Variants in ZBTB16 observed in about 807,000 individuals in gnomAD.
The protein encoded by ZBTB16 is zinc finger and BTB domain containing 16, also known as zinc finger and BTB domain-containing protein 16.
Under a neutral mutation model 56.8 loss-of-function variants are expected in ZBTB16, and 8 were observed. The ratio of observed to expected loss-of-function variants is 0.14; its 90% confidence interval spans 0.08 to 0.25. The LOEUF is 0.25. Ranked by LOEUF, ZBTB16 falls within the 10% of genes least tolerant of loss-of-function variation. The pLI is 1.00. For missense variants in ZBTB16, 625 were observed against 903.0 expected, an observed-to-expected ratio of 0.69 and a Z score of 3.95; for synonymous variants, 363 against 368.5, an observed-to-expected ratio of 0.98 and a Z score of 0.17.
intron 4 of ZBTB16, among the ~76,000 whole-genome samples, chr11:114,199,528 T>A (rs3782004): frequency 6.6e-6 from 1 of 151,736 alleles, no homozygotes; most frequent in Non-Finnish European, 1.5e-5. Flanking sequence ...CAGATTACCA[T>A]TGGGGATGTG....
Position 114,167,231 on chromosome 11 carries a change from G to GT in ZBTB16, c.1366+10797_1366+10798insT, listed in dbSNP as rs1565663129. Among the ~76,000 whole-genome samples the GT allele has an allele frequency of 5.4e-3, 233 of 43,134 alleles. 4 individuals are homozygous for GT. In the East Asian group the frequency reaches 0.055, roughly 10 times the overall value. 28.3% of individuals were successfully genotyped at this position (43,134 alleles called of 152,430 possible). ...TGGATTTGTGGTTTTTTTTTTTTTT[G>GT]GTTTTTTTTTTTTTTTTTTTTTGAC... On this transcript the variant is annotated intron_variant, in intron 3 of 6. Transcript: ENST00000335953.
intron 2 of ZBTB16, among the ~76,000 whole-genome samples, chr11:114,131,080 G>A (rs116298987): frequency 7.9e-4 from 120 of 152,336 alleles, no homozygotes; most frequent in African/African-American, 2.8e-3. Context: ...TGGCATACAG[G>A]AGATGGAGAA....
chr11:114,133,760 G>C (rs1191282575), intron 2 of ZBTB16, among the ~76,000 whole-genome samples: 1 of 152,168 alleles, frequency 6.6e-6, no homozygotes, highest in Non-Finnish European at 1.5e-5. Context: ...TGGCCCAAGG[G>C]CATTGTGGCA....
chr11:114,251,079 A>G lies in ZBTB16; in HGVS notation c.*524A>G, dbSNP rs12277958. Among the ~76,000 whole-genome samples, 1,569 of 152,090 alleles carry G rather than the reference A, an allele frequency of 0.01. 14 individuals are homozygous for G. Among genetic ancestry groups the G allele is most frequent in the African/African-American group, 0.034 (1,397 of 41,482 alleles). On this transcript the variant is annotated 3_prime_UTR_variant, in exon 7 of 7. Coordinates refer to ENST00000335953, the MANE Select transcript of ZBTB16 (RefSeq NM_006006.6). Reference sequence around the variant, plus strand: ...GTTTGCTGGCGGCTGACTGGGGAGGAGAAGGGCTCTGTTTCTCTTCCCACC... The same window carrying G: ...GTTTGCTGGCGGCTGACTGGGGAGGGGAAGGGCTCTGTTTCTCTTCCCACC...
At chr11:114,118,116 C>T (rs1261949556) in intron 2 of ZBTB16, among the ~76,000 whole-genome samples, 1 of 152,144 alleles carries the variant, frequency 6.6e-6, no homozygotes, top group African/African-American at 2.4e-5. Context: ...AATCTAACTG[C>T]ATATTTGATT....
At chr11:114,166,645 A>T (rs1942766620) in intron 3 of ZBTB16, among the ~76,000 whole-genome samples, 1 of 152,160 alleles carries the variant, frequency 6.6e-6, no homozygotes, top group South Asian at 2.1e-4. Flanking sequence ...TTCATGCTTG[A>T]TTGCAAAGCC....
At chr11:114,144,103 C>T (rs1022421992) in intron 2 of ZBTB16, among the ~76,000 whole-genome samples, 5 of 151,794 alleles carry the variant, frequency 3.3e-5, no homozygotes, top group Non-Finnish European at 5.9e-5. Flanking sequence ...ACGCTTGGAC[C>T]GTCTCAGCAT....
intron 2 of ZBTB16, among the ~76,000 whole-genome samples, chr11:114,071,758 G>A (rs1310330815): frequency 6.6e-6 from 1 of 152,096 alleles, no homozygotes; most frequent in Non-Finnish European, 1.5e-5. Context: ...GTTTTGGCTG[G>A]GTGTGTGGGG....
chr11:114,070,710 T>C (rs1214410726), intron 2 of ZBTB16, among the ~76,000 whole-genome samples: 10 of 152,190 alleles, frequency 6.6e-5, no homozygotes, highest in East Asian at 1.9e-4. Flanking sequence ...GATACCACCA[T>C]TGGAGGCTAC....
intron 2 of ZBTB16, among the ~76,000 whole-genome samples, chr11:114,128,451 A>G (rs1384096078): frequency 2.0e-5 from 3 of 152,220 alleles, no homozygotes; most frequent in African/African-American, 7.2e-5. Flanking sequence ...CCGAGCTCCA[A>G]CACTTCTAGC....
At chr11:114,077,901 A>C (rs1010787042) in intron 2 of ZBTB16, among the ~76,000 whole-genome samples, 1 of 152,190 alleles carries the variant, frequency 6.6e-6, no homozygotes, top group Non-Finnish European at 1.5e-5. Flanking sequence ...TTATCTTCCT[A>C]TATCAGCCCC....
At chr11:114,108,701 C>G (rs544605786) in intron 2 of ZBTB16, among the ~76,000 whole-genome samples, 83 of 152,298 alleles carry the variant, frequency 5.4e-4, no homozygotes, top group Non-Finnish European at 4.1e-4. Flanking sequence ...TACACACAGC[C>G]CCATTCAGTC....
intron 5 of ZBTB16, among the ~76,000 whole-genome samples, chr11:114,246,269 C>T (rs1944814597): frequency 6.6e-6 from 1 of 152,164 alleles, no homozygotes; most frequent in Admixed American, 6.5e-5. Context: ...CCAGTAGATA[C>T]AGCATAGTGT....
chr11:114,079,929 A>G (rs1281606944), intron 2 of ZBTB16, among the ~76,000 whole-genome samples: 1 of 152,120 alleles, frequency 6.6e-6, no homozygotes, highest in Non-Finnish European at 1.5e-5. Flanking sequence ...AACTGCTGTA[A>G]TGTTTCTGCA....
intron 3 of ZBTB16, among the ~76,000 whole-genome samples, chr11:114,172,600 C>T (rs1942999305): frequency 6.6e-6 from 1 of 152,188 alleles, no homozygotes. Flanking sequence ...TCCAGGCTGC[C>T]CATTTCTCCC....
At chr11:114,249,585 G>A (rs1944879886) in intron 6 of ZBTB16, among the ~76,000 whole-genome samples, 1 of 142,156 alleles carries the variant, frequency 7.0e-6, no homozygotes, top group African/African-American at 2.7e-5. Flanking sequence ...CTAACAAGGT[G>A]AAACCCCGTC....
In ZBTB16 at chr11:114,156,211, G is replaced by T. The variant is rs17116543; in HGVS notation, c.1269-126G>T. 6 of 862,630 alleles carry T rather than the reference G, an allele frequency of 7.0e-6. No homozygotes were observed. The East Asian group carries it at 1.0e-4, about 15-fold the overall frequency. The allele number at this position is 862,630 out of a possible 1,614,324, so 53.4% of individuals were successfully genotyped here. On this transcript the variant is annotated intron_variant, in intron 2 of 6. Transcript: ENST00000335953. ...AGGATCCAGGGATGTGTTTCCATCGGTGCCCTCCTGTTCCCTTCCGCCTGT... is the reference window on the plus strand; with the variant it reads ...AGGATCCAGGGATGTGTTTCCATCGTTGCCCTCCTGTTCCCTTCCGCCTGT...
intron 4 of ZBTB16, among the ~76,000 whole-genome samples, chr11:114,237,774 G>A (rs1056504002): frequency 2.6e-5 from 4 of 152,084 alleles, no homozygotes; most frequent in Non-Finnish European, 5.9e-5. Flanking sequence ...TTTTTAACTC[G>A]CATGCACCAA....
intron 2 of ZBTB16, among the ~76,000 whole-genome samples, chr11:114,112,760 CTTTTTT>C (rs398017637): frequency 3.8e-5 from 5 of 133,150 alleles, no homozygotes; most frequent in Non-Finnish European, 3.1e-5. Flanking sequence ...AGTTCATTTT[CTTTTTT>C]TTTTTTTTTT....
Sources: gnomAD v4.1 joint callset for allele counts (sites outside exome capture counted in the v4.1 genomes callset) on GRCh38, gnomAD v4.1.1 for gene constraint, MANE v1.5 for transcripts, NCBI Gene and HGNC (gene_info 2026-07-23, HGNC 2026-07-21) for gene names.